EYS: variants seen among roughly 807,000 people sequenced by gnomAD.
EYS encodes EGF-like photoreceptor maintenance factor, also known as protein eyes shut homolog.
EYS carries 250 observed loss-of-function variants against 282.1 expected under a neutral mutation model. That is an observed-to-expected ratio of 0.89 (90% CI 0.80 to 0.98). The LOEUF (loss-of-function observed/expected upper bound fraction) is 0.98. Ranked by LOEUF, EYS falls within the 50% of genes least tolerant of loss-of-function variation. The pLI is 0.00. For missense variants in EYS, 4,016 were observed against 3,709.0 expected, an observed-to-expected ratio of 1.08 and a Z score of -2.15; for synonymous variants, 1,355 against 1,282.9, an observed-to-expected ratio of 1.06 and a Z score of -1.20.
intron 22 of EYS, among the ~76,000 whole-genome samples, chr6:64,793,309 A>C (rs1430196134): frequency 3.3e-5 from 5 of 152,180 alleles, no homozygotes; most frequent in Non-Finnish European, 7.4e-5. Flanking sequence ...GCTATAAAAT[A>C]GTTGAAAATC....
At position 65,371,956 on chromosome 6, in the gene EYS, G is replaced by A. The variant is rs77101001; in HGVS notation, c.1299+12430C>T. Among the ~76,000 whole-genome samples the A allele has an allele frequency of 4.5e-3, 673 of 149,900 alleles. 6 individuals carry two copies. The highest frequency in any genetic ancestry group is 0.015 in the African/African-American group (613 of 40,806). Reference sequence around the variant, plus strand: ...TAATTCGAGCTTTACTTCTTCCAGCGTGAGTTTACATAAGTCACTCTTGTT... The same window carrying A: ...TAATTCGAGCTTTACTTCTTCCAGCATGAGTTTACATAAGTCACTCTTGTT... On this transcript the variant is annotated intron_variant, in intron 8 of 42. Transcript: ENST00000503581.
chr6:65,303,010 TG>T, intron 11 of EYS: 1 of 1,484,640 alleles, frequency 6.7e-7, no homozygotes, highest in Non-Finnish European at 9.4e-7. Context: ...CAGATGATGA[TG>T]AAGATGATGA....
chr6:64,857,646 T>C (rs1562228514), intron 19 of EYS, among the ~76,000 whole-genome samples: 1 of 152,208 alleles, frequency 6.6e-6, no homozygotes, highest in Non-Finnish European at 1.5e-5. Flanking sequence ...CTGGATCATA[T>C]GGCATTTCTA....
chr6:64,514,762 C>G (rs1459583380), intron 26 of EYS, among the ~76,000 whole-genome samples: 1 of 151,712 alleles, frequency 6.6e-6, no homozygotes, highest in African/African-American at 2.4e-5. Context: ...TCATAATTGT[C>G]AAAGGAAGGG....
intron 12 of EYS, among the ~76,000 whole-genome samples, chr6:65,169,505 C>A (rs1765054265): frequency 6.6e-6 from 1 of 151,436 alleles, no homozygotes; most frequent in South Asian, 2.1e-4. Context: ...AGTATAACCT[C>A]TAATTTCCTT....
chr6:64,451,489 A>G (rs1307617765), intron 26 of EYS, among the ~76,000 whole-genome samples: 3 of 152,104 alleles, frequency 2.0e-5, no homozygotes, highest in Admixed American at 6.6e-5. Flanking sequence ...AAAAGAGGGA[A>G]TCCTCCCTAA....
At chr6:65,629,565 G>T (rs1766841213) in intron 2 of EYS, among the ~76,000 whole-genome samples, 1 of 152,158 alleles carries the variant, frequency 6.6e-6, no homozygotes, top group South Asian at 2.1e-4. Flanking sequence ...GCATGAGAAT[G>T]CAGTTTCTTC....
chr6:65,318,047 TCA>T (rs1230660190), intron 11 of EYS, among the ~76,000 whole-genome samples: 1 of 151,260 alleles, frequency 6.6e-6, no homozygotes, highest in Non-Finnish European at 1.5e-5. Flanking sequence ...TTTTGTATTT[TCA>T]GTAGAGACGG....
chr6:65,026,831 T>A (rs1772427295), intron 13 of EYS, among the ~76,000 whole-genome samples: 1 of 151,612 alleles, frequency 6.6e-6, no homozygotes, highest in African/African-American at 2.4e-5. Context: ...GCAGGAGGAT[T>A]GCTTGAATCC....
At chr6:64,164,932 A>T (rs185780215) in intron 31 of EYS, among the ~76,000 whole-genome samples, 63 of 152,220 alleles carry the variant, frequency 4.1e-4, no homozygotes, top group East Asian at 2.5e-3. Context: ...TGGATCTTTG[A>T]CTTTTTTCCC....
intron 28 of EYS, among the ~76,000 whole-genome samples, chr6:64,432,013 A>T (rs1774589701): frequency 6.6e-6 from 1 of 152,118 alleles, no homozygotes; most frequent in South Asian, 2.1e-4. Flanking sequence ...AATTTATTGC[A>T]TGTCTAATGC....
intron 21 of EYS, among the ~76,000 whole-genome samples, chr6:64,813,963 T>C (rs1245692286): frequency 1.3e-5 from 2 of 152,032 alleles, no homozygotes; most frequent in African/African-American, 4.8e-5. Context: ...AGTTCAACTC[T>C]GCTCTCCTAC....
intron 22 of EYS, among the ~76,000 whole-genome samples, chr6:64,686,007 G>A (rs1033760647): frequency 5.3e-5 from 8 of 151,578 alleles, no homozygotes; most frequent in Non-Finnish European, 4.4e-5. Flanking sequence ...AAAAAAGTCA[G>A]ACATATTTGG....
At chr6:64,970,917 A>C (rs918869805) in intron 14 of EYS, among the ~76,000 whole-genome samples, 5 of 152,194 alleles carry the variant, frequency 3.3e-5, no homozygotes, top group Admixed American at 6.5e-5. Flanking sequence ...CAGCTACATC[A>C]GCAGATGTGA....
rs559385737 is a variant in EYS, at chr6:64,112,871, A to T, written c.6425-30869T>A. The stretch of plus-strand genomic sequence containing the variant: ...TAGTAGTTTTTTGGTTACAAATGTT[A>T]CTGTGAATGAGGTCCCAGGGGGAGT... On this transcript the variant is annotated intron_variant, in intron 31 of 42. Transcript: ENST00000503581. Among the ~76,000 whole-genome samples the T allele has an allele frequency of 3.9e-4, 59 of 151,604 alleles. 2 individuals carry two copies. The highest frequency in any genetic ancestry group is 1.4e-3 in the African/African-American group (56 of 41,468).
chr6:64,108,851 T>C (rs1773116063), intron 31 of EYS, among the ~76,000 whole-genome samples: 1 of 152,096 alleles, frequency 6.6e-6, no homozygotes, highest in Non-Finnish European at 1.5e-5. Flanking sequence ...GTCTAACATG[T>C]TTTGAACTCT....
intron 8 of EYS, among the ~76,000 whole-genome samples, chr6:65,360,058 T>C (rs1764640707): frequency 6.6e-6 from 1 of 152,016 alleles, no homozygotes; most frequent in Non-Finnish European, 1.5e-5. Context: ...ATGGAAGTTT[T>C]AATTGACACA....
intron 37 of EYS, among the ~76,000 whole-genome samples, chr6:63,794,553 G>A (rs1363655337): frequency 2.0e-5 from 3 of 152,162 alleles, no homozygotes; most frequent in Non-Finnish European, 2.9e-5. Flanking sequence ...TTCTTGTAAT[G>A]GGACGTTCTT....
At chr6:64,081,803 C>G in intron 32 of EYS, 53 bp downstream of exon 32, 1 of 1,313,910 alleles carries the variant, frequency 7.6e-7, no homozygotes, top group African/African-American at 1.5e-5. Flanking sequence ...TTCAATAGAT[C>G]AACGTTTGAG....
Sources: allele counts gnomAD v4.1 joint callset (sites outside exome capture counted in the v4.1 genomes callset), GRCh38; gene constraint gnomAD v4.1.1; transcripts MANE v1.5; gene names NCBI Gene and HGNC (gene_info 2026-07-23, HGNC 2026-07-21).